The following SCMH1 variants were observed in gnomAD, a reference collection of about 807,000 sequenced individuals.
SCMH1 encodes the protein polycomb protein SCMH1.
A neutral mutation model predicts 70.8 loss-of-function variants in SCMH1; 37 were observed. The observed-to-expected ratio is 0.52, with a 90% CI of 0.40 to 0.69. The LOEUF (loss-of-function observed/expected upper bound fraction) is 0.69. SCMH1 is among the 30% of genes least tolerant of loss of function. SCMH1 has a pLI of 0.00. For missense variants in SCMH1, 607 were observed against 827.3 expected (o/e 0.73, Z 3.27); for synonymous variants, 292 against 307.4 (o/e 0.95, Z 0.52).
In SCMH1 at chr1:41,240,560, TA is replaced by T. The variant is rs71692898; in HGVS notation, c.-118+1498del. Among the ~76,000 whole-genome samples the T allele has an allele frequency of 3.3e-3, 476 of 143,654 alleles. 1 individual carries two copies. The highest frequency in any genetic ancestry group is 3.6e-3 in the Admixed American group (52 of 14,578). 94.2% of individuals were successfully genotyped at this position (143,654 alleles called of 152,430 possible). A position where few individuals can be genotyped will look rare whatever the true frequency, so the allele number is the denominator to read the frequency against. ...CTAGGTCTCAATCCTTTTCAGAGTTTAAAAAAAAAAAAAGAGCTATTCTATT... is the reference window on the plus strand; with the variant it reads ...CTAGGTCTCAATCCTTTTCAGAGTTTAAAAAAAAAAAAGAGCTATTCTATT... On this transcript the variant is annotated intron_variant, in intron 1 of 14. Coordinates refer to ENST00000337495, the Ensembl canonical transcript of SCMH1.
At chr1:41,195,541 AC>A (rs1652834484) in intron 1 of SCMH1, among the ~76,000 whole-genome samples, 1 of 152,202 alleles carries the variant, frequency 6.6e-6, no homozygotes, top group African/African-American at 2.4e-5. Context: ...TACACAATAA[AC>A]TAAGAATAGA....
chr1:41,183,404 CA>C (rs1268135554), intron 2 of SCMH1, among the ~76,000 whole-genome samples: 3 of 152,220 alleles, frequency 2.0e-5, no homozygotes, highest in Non-Finnish European at 4.4e-5. Context: ...TTTCCAAGCT[CA>C]TACAACTGTA....
chr1:41,075,562 CTGGT>C, intron 8 of SCMH1, 111 bp from the exon 9 acceptor site: 1 of 809,142 alleles, frequency 1.2e-6, no homozygotes, highest in Non-Finnish European at 2.0e-6. Context: ...TTCCAAGAAG[CTGGT>C]TTCCTGGCAT....
intron 3 of SCMH1, 133 bp from the exon 4 acceptor site, chr1:41,161,031 A>G: frequency 1.0e-6 from 1 of 987,624 alleles, no homozygotes; most frequent in Non-Finnish European, 1.5e-6. Flanking sequence ...AAAGACACTG[A>G]GATTCTTAGT....
chr1:41,233,920 G>A (rs915341553), intron 1 of SCMH1, among the ~76,000 whole-genome samples: 1 of 152,170 alleles, frequency 6.6e-6, no homozygotes, highest in Non-Finnish European at 1.5e-5. Context: ...CTATCCCTGT[G>A]ATCTTTCACA....
chr1:41,196,256 TCAAA>T (rs1189727600), intron 1 of SCMH1, among the ~76,000 whole-genome samples: 2 of 151,690 alleles, frequency 1.3e-5, no homozygotes, highest in African/African-American at 4.8e-5. Flanking sequence ...TCCAAATAGC[TCAAA>T]CAATCTTGAA....
At chr1:41,187,803 C>T (rs1650633877) in intron 1 of SCMH1, among the ~76,000 whole-genome samples, 1 of 138,566 alleles carries the variant, frequency 7.2e-6, no homozygotes, top group South Asian at 2.4e-4. Context: ...ATGGTGAAAC[C>T]CCATCTCTAC....
intron 9 of SCMH1, among the ~76,000 whole-genome samples, chr1:41,071,542 A>G (rs1656501080): frequency 6.6e-6 from 1 of 152,224 alleles, no homozygotes; most frequent in Admixed American, 6.5e-5. Flanking sequence ...TGAAGCATGC[A>G]GTATAGAATA....
chr1:41,052,212 A>AAT (rs1454182364), intron 10 of SCMH1, among the ~76,000 whole-genome samples: 1 of 152,208 alleles, frequency 6.6e-6, no homozygotes, highest in Non-Finnish European at 1.5e-5. Context: ...GCTGAAGACC[A>AAT]ATACGGGGGT....
intron 5 of SCMH1, among the ~76,000 whole-genome samples, chr1:41,145,865 T>A (rs1644503912): frequency 6.6e-6 from 1 of 152,236 alleles, no homozygotes; most frequent in Admixed American, 6.5e-5. Flanking sequence ...TGCTGCCAGC[T>A]GTATAAAAGT....
At chr1:41,149,524 TG>T (rs1377080597) in intron 5 of SCMH1, among the ~76,000 whole-genome samples, 1 of 152,208 alleles carries the variant, frequency 6.6e-6, no homozygotes, top group Non-Finnish European at 1.5e-5. Context: ...TTTGCATGCC[TG>T]GTAGTCTTTG....
chr1:41,033,982 C>T lies in SCMH1; in HGVS notation c.1678+3380G>A. On this transcript the variant is annotated intron_variant, in intron 13 of 14. Transcript: ENST00000337495. ...AAAAATAACAGTAACTCCCCTCATA[C>T]CTGGGGAACGATTTAGTTTCCAAAA... 1.2e-6 allele frequency: 2 copies of T among 1,614,066 alleles called. No individual in the cohort carries two copies. Among genetic ancestry groups the T allele is most frequent in the Non-Finnish European group, 1.7e-6 (2 of 1,179,938 alleles).
intron 1 of SCMH1, among the ~76,000 whole-genome samples, chr1:41,240,618 T>C (rs998599103): frequency 4.6e-5 from 7 of 152,124 alleles, no homozygotes; most frequent in African/African-American, 9.7e-5. Context: ...ACAAAACATT[T>C]TGATGTACAT....
At chr1:41,192,911 C>T (rs950293644) in intron 1 of SCMH1, among the ~76,000 whole-genome samples, 3 of 152,186 alleles carry the variant, frequency 2.0e-5, no homozygotes, top group Admixed American at 6.5e-5. Context: ...CTGTAAAGGG[C>T]CAGATGGCAA....
At chr1:41,193,420 T>C (rs957338611) in intron 1 of SCMH1, among the ~76,000 whole-genome samples, 4 of 152,076 alleles carry the variant, frequency 2.6e-5, no homozygotes, top group Non-Finnish European at 4.4e-5. Flanking sequence ...GTAGGAAAGA[T>C]AGCAATTCAA....
In SCMH1 at chr1:41,074,086, T is replaced by C. The variant is rs1478394883; in HGVS notation, c.978+1133A>G. On this transcript the variant is annotated intron_variant, in intron 9 of 14. Transcript: ENST00000337495. ...CTGACAGAAGTCTTTTTTTTTTTTTTTTTTTATATCAATGCCTTCCTTAGG... is the reference window on the plus strand; with the variant it reads ...CTGACAGAAGTCTTTTTTTTTTTTTCTTTTTATATCAATGCCTTCCTTAGG... 3.9e-5 allele frequency among the ~76,000 whole-genome samples: 6 copies of C among 151,954 alleles called. No homozygotes were observed. In the East Asian group the frequency reaches 1.2e-3, roughly 29 times the overall value.
intron 6 of SCMH1, among the ~76,000 whole-genome samples, chr1:41,118,803 TA>T (rs1489373873): frequency 1.3e-5 from 2 of 152,214 alleles, no homozygotes; most frequent in Non-Finnish European, 2.9e-5. Flanking sequence ...TAACAAAACC[TA>T]ATGTTTTTTG....
chr1:41,122,242 C>T (rs1372927762), intron 6 of SCMH1, among the ~76,000 whole-genome samples: 2 of 152,148 alleles, frequency 1.3e-5, no homozygotes, highest in African/African-American at 4.8e-5. Context: ...TCTCTTATCA[C>T]TCCCTTGTAC....
chr1:41,070,493 GGTTTACAA>G, intron 10 of SCMH1, 94 bp downstream of exon 10: 1 of 1,402,152 alleles, frequency 7.1e-7, no homozygotes, highest in Non-Finnish European at 9.6e-7. Context: ...ATTTTACCTA[GGTTTACAA>G]GTGGAAAGGT....
Sources: gnomAD v4.1 joint callset for allele counts (sites outside exome capture counted in the v4.1 genomes callset) on GRCh38, gnomAD v4.1.1 for gene constraint, MANE v1.5 for transcripts, NCBI Gene and HGNC (gene_info 2026-07-23, HGNC 2026-07-21) for gene names.